TTLL5: variants seen among roughly 807,000 people sequenced by gnomAD.
The protein encoded by TTLL5 is tubulin tyrosine ligase like 5.
TTLL5 carries 132 observed loss-of-function variants against 168.4 expected under a neutral mutation model. The observed-to-expected ratio is 0.78, with a 90% CI of 0.68 to 0.91. The LOEUF is 0.91. TTLL5 is among the 40% of genes least tolerant of loss of function. The probability of loss-of-function intolerance (pLI) is 0.00; values close to 1 mark genes in which losing one functional copy is unlikely to be tolerated. For synonymous variants in TTLL5, 546 were observed against 558.6 expected (o/e 0.98, Z 0.32); for missense variants, 1,545 against 1,581.5 (o/e 0.98, Z 0.39).
chr14:75,899,044 G>A (rs765595509), intron 30 of TTLL5, among the ~76,000 whole-genome samples: 7 of 152,128 alleles, frequency 4.6e-5, no homozygotes, highest in African/African-American at 1.7e-4. Context: ...AGTGAATGCA[G>A]AGAGTGTTAA....
At chr14:75,687,542 G>A (rs1252857355) in intron 5 of TTLL5, among the ~76,000 whole-genome samples, 1 of 152,112 alleles carries the variant, frequency 6.6e-6, no homozygotes, top group Non-Finnish European at 1.5e-5. Flanking sequence ...CCAAAGTGCT[G>A]GGATTACAGG....
chr14:75,680,432 T>A (rs1884509517), intron 3 of TTLL5, among the ~76,000 whole-genome samples: 1 of 152,130 alleles, frequency 6.6e-6, no homozygotes, highest in Non-Finnish European at 1.5e-5. Flanking sequence ...TAGAGTTGTA[T>A]ACGAATTCTT....
At chr14:75,827,576 C>T (rs754388338) in intron 28 of TTLL5, among the ~76,000 whole-genome samples, 16 of 152,016 alleles carry the variant, frequency 1.1e-4, no homozygotes, top group Admixed American at 5.2e-4. Flanking sequence ...TACAAACTCT[C>T]GTCCTGCTTG....
chr14:75,783,436 A>T lies in TTLL5; in HGVS notation c.2892A>T (p.Arg964=), dbSNP rs1595033317. The T allele has an allele frequency of 6.2e-7, 1 of 1,614,188 alleles. No individual in the cohort carries two copies. Among genetic ancestry groups the T allele is most frequent in the Non-Finnish European group, 8.5e-7 (1 of 1,180,022 alleles). The change falls in exon 26 of 32, where the codon CGA becomes CGT. Residue 964 remains arginine, a synonymous_variant. Transcript: ENST00000298832. ...GCCCTACTGGCCTGCCACGCTGTCGATCAGGAAGTCACACCATTGGTCCCT... is the reference window on the plus strand; with the variant it reads ...GCCCTACTGGCCTGCCACGCTGTCGTTCAGGAAGTCACACCATTGGTCCCT... ...IPSPTGLPRC[R]SGSHTIGPFS...
rs1391083901 is a variant in TTLL5, at chr14:75,669,515, A to T, written c.174A>T (p.Val58=). 3 of 1,613,764 alleles carry T rather than the reference A, an allele frequency of 1.9e-6. No homozygotes were observed. Among genetic ancestry groups the T allele is most frequent in the Non-Finnish European group, 2.5e-6 (3 of 1,179,680 alleles). The part of the protein sequence containing the change: ...AILTKDNNIR[V]IGERYHLSYK... ...TTACAAAGGACAACAATATTAGAGTAATTGGAGGTGCGTATAACCTCTCCC... is the reference window on the plus strand; with the variant it reads ...TTACAAAGGACAACAATATTAGAGTTATTGGAGGTGCGTATAACCTCTCCC... Residue 58 remains valine, a synonymous_variant, in exon 3 of 32, where the codon GTA becomes GTT. Coordinates refer to ENST00000298832, the MANE Select transcript of TTLL5 (RefSeq NM_015072.5).
At chr14:75,908,199 G>C (rs2033224156) in intron 31 of TTLL5, among the ~76,000 whole-genome samples, 1 of 152,250 alleles carries the variant, frequency 6.6e-6, no homozygotes, top group African/African-American at 2.4e-5. Flanking sequence ...TGTGTGTATG[G>C]ACAAAGAGGA....
chr14:75,694,914 A>G (rs1885729914), intron 6 of TTLL5, among the ~76,000 whole-genome samples: 1 of 152,198 alleles, frequency 6.6e-6, no homozygotes, highest in Admixed American at 6.5e-5. Context: ...ATGTCGCCTC[A>G]GGACCCTGTG....
chr14:75,848,897 G>C (rs750531708), intron 28 of TTLL5, among the ~76,000 whole-genome samples: 1 of 152,178 alleles, frequency 6.6e-6, no homozygotes, highest in Admixed American at 6.5e-5. Flanking sequence ...GTCTCTGCCA[G>C]ATGTACTAAG....
intron 28 of TTLL5, among the ~76,000 whole-genome samples, chr14:75,862,824 G>A (rs2030137839): frequency 1.3e-5 from 2 of 151,980 alleles, no homozygotes; most frequent in Non-Finnish European, 2.9e-5. Context: ...CACACACCTA[G>A]AATCCCAGCT....
chr14:75,771,826 G>T lies in TTLL5; in HGVS notation c.2108G>T (p.Ser703Ile). The T allele has an allele frequency of 6.2e-7, 1 of 1,613,862 alleles. No homozygotes were observed. Reference sequence around the variant, plus strand: ...AGTGGCGGTCAGACGTTCAGTGCCAGTTGGGCTGCCAAAGAGGATGAACAG... The same window carrying T: ...AGTGGCGGTCAGACGTTCAGTGCCATTTGGGCTGCCAAAGAGGATGAACAG... ...KDSGGQTFSA[S>I]WAAKEDEQME... Residue 703 changes from serine to isoleucine, a missense_variant, in exon 21 of 32, where the codon AGT becomes ATT. By Grantham distance (142) the Ser-to-Ile change is moderately radical. Transcript: ENST00000298832.
intron 31 of TTLL5, among the ~76,000 whole-genome samples, chr14:75,917,667 A>G (rs1252187381): frequency 2.0e-5 from 3 of 151,894 alleles, no homozygotes; most frequent in Non-Finnish European, 2.9e-5. Flanking sequence ...TTCTGCCTCT[A>G]CTCCCCTGGG....
intron 31 of TTLL5, among the ~76,000 whole-genome samples, chr14:75,921,179 TG>T (rs2140138668): frequency 6.6e-6 from 1 of 152,362 alleles, no homozygotes; most frequent in African/African-American, 2.4e-5. Context: ...GTAGGTTGCC[TG>T]TTCACTCTGA....
rs1268609835 is a variant in TTLL5, at chr14:75,683,553, C to T, written c.268C>T (p.His90Tyr). Residue 90 changes from histidine to tyrosine, a missense_variant, in exon 5 of 32, where the codon CAC becomes TAC. His to Tyr is a moderately conservative substitution (Grantham distance 83). Transcript: ENST00000298832. ...TTGTCTTTCTGTCTGCCCTCAGGTTCACCCAAGCAGCACTGACTATAACCT... is the reference window on the plus strand; with the variant it reads ...TTGTCTTTCTGTCTGCCCTCAGGTTTACCCAAGCAGCACTGACTATAACCT... ...ILTAHGFHEV[H>Y]PSSTDYNLMW... The T allele has an allele frequency of 1.2e-6, 2 of 1,613,282 alleles. No individual in the cohort carries two copies. Among genetic ancestry groups the T allele is most frequent in the Non-Finnish European group, 1.7e-6 (2 of 1,179,402 alleles).
intron 30 of TTLL5, among the ~76,000 whole-genome samples, chr14:75,889,722 C>T (rs1469254591): frequency 6.6e-6 from 1 of 151,202 alleles, no homozygotes; most frequent in East Asian, 1.9e-4. Flanking sequence ...CCCAGCTACT[C>T]AGGAGGCTGA....
chr14:75,713,359 A>G (rs1020735367), intron 9 of TTLL5, among the ~76,000 whole-genome samples: 3 of 152,224 alleles, frequency 2.0e-5, no homozygotes, highest in Non-Finnish European at 4.4e-5. Flanking sequence ...TTTGTAGCCT[A>G]CAAGCAAGAA....
Position 75,923,523 on chromosome 14 carries a change from A to G in TTLL5, c.3823+21299A>G, listed in dbSNP as rs562987991. ...GTTTCCATGTAGTTGTGTGGTTTTG[A>G]GTGAGTTTCTTCATCTTGAGTTCTA... is the stretch of plus-strand genomic sequence containing the variant. On this transcript the variant is annotated intron_variant, in intron 31 of 31. Coordinates refer to ENST00000298832, the MANE Select transcript of TTLL5 (RefSeq NM_015072.5). 7.2e-5 allele frequency among the ~76,000 whole-genome samples: 11 copies of G among 152,208 alleles called. No homozygotes were observed. In the South Asian group the frequency reaches 1.0e-3, roughly 14 times the overall value.
intron 31 of TTLL5, among the ~76,000 whole-genome samples, chr14:75,949,710 C>T (rs994237705): frequency 7.9e-5 from 12 of 151,522 alleles, no homozygotes; most frequent in African/African-American, 2.4e-4. Context: ...ATTAGCTGGG[C>T]GTGGGGTGCA....
At chr14:75,741,663 A>G (rs1166142592) in intron 15 of TTLL5, among the ~76,000 whole-genome samples, 1 of 148,852 alleles carries the variant, frequency 6.7e-6, no homozygotes, top group Non-Finnish European at 1.5e-5. Context: ...CTTTTCTTTC[A>G]CCTGTGTCTA....
rs140157355 is a variant in TTLL5 at position 75,770,865 on chromosome 14, C to T, written c.2016-869C>T. On this transcript the variant is annotated intron_variant, in intron 20 of 31. Transcript: ENST00000298832. Reference sequence around the variant, plus strand: ...GACCTCCCTCATTTGCTCTGGGCTCCAGCCATTCCATCTTGTAGTTGAGAA... The same window carrying T: ...GACCTCCCTCATTTGCTCTGGGCTCTAGCCATTCCATCTTGTAGTTGAGAA... Among the ~76,000 whole-genome samples, 298 of 152,288 alleles carry T rather than the reference C, an allele frequency of 2.0e-3. 3 individuals carry two copies. Among genetic ancestry groups the T allele is most frequent in the South Asian group, 0.016 (79 of 4,826 alleles).
Sources: gnomAD v4.1 joint callset for allele counts (sites outside exome capture counted in the v4.1 genomes callset) on GRCh38, gnomAD v4.1.1 for gene constraint, MANE v1.5 for transcripts, NCBI Gene and HGNC (gene_info 2026-07-23, HGNC 2026-07-21) for gene names.